The following TNPO2 variants were observed in gnomAD, a reference collection of about 807,000 sequenced individuals.
The protein encoded by TNPO2 is transportin-2.
Under a neutral mutation model 111.1 loss-of-function variants are expected in TNPO2, and 16 were observed. The ratio of observed to expected loss-of-function variants is 0.14; its 90% CI spans 0.10 to 0.22. The LOEUF (loss-of-function observed/expected upper bound fraction) is 0.22. Ranked by LOEUF, TNPO2 falls within the 10% of genes least tolerant of loss-of-function variation. The probability of loss-of-function intolerance (pLI) is 1.00; values close to 1 mark genes in which losing one functional copy is unlikely to be tolerated. For synonymous variants in TNPO2, 481 were observed against 475.8 expected, an observed-to-expected ratio of 1.01 and a Z score of -0.14; for missense variants, 530 against 1,173.7, an observed-to-expected ratio of 0.45 and a Z score of 8.01.
chr19:12,720,980 C>G lies in TNPO2; in HGVS notation c.-3G>C, dbSNP rs1243528592. 1.3e-6 allele frequency: 2 copies of G among 1,577,818 alleles called. No homozygotes were observed. Among genetic ancestry groups the G allele is most frequent in the Non-Finnish European group, 1.7e-6 (2 of 1,165,128 alleles). ...TGCTCGTCTGGCTGCCAGTCCATGGCGCAAGGCAAGCTGCGGAGGTAGGGG... is the reference window on the plus strand; with the variant it reads ...TGCTCGTCTGGCTGCCAGTCCATGGGGCAAGGCAAGCTGCGGAGGTAGGGG... On this transcript the variant is annotated 5_prime_UTR_variant, in exon 3 of 26. Transcript: ENST00000425528.
rs2026297109 is a variant in TNPO2, at chr19:12,715,215, C to A, written c.648+28G>T. On this transcript the variant is annotated intron_variant, in intron 8 of 25. Transcript: ENST00000425528. The surrounding 1 kb of genome is among the most constrained non-coding windows in gnomAD (Gnocchi z 7.1). ...AGTTGTAGGGGCCCTCAGTCCTCGCCCTGCCCACCCCCAGCCCAGCGGCCC... is the reference window on the plus strand; with the variant it reads ...AGTTGTAGGGGCCCTCAGTCCTCGCACTGCCCACCCCCAGCCCAGCGGCCC... 1 of 1,613,702 alleles carries A rather than the reference C, an allele frequency of 6.2e-7. No individual in the cohort carries two copies. Among genetic ancestry groups the A allele is most frequent in the Admixed American group, 1.7e-5 (1 of 59,974 alleles).
chr19:12,702,710 C>T lies in TNPO2; in HGVS notation c.2305+113G>A. 1.0e-6 allele frequency: 1 copy of T among 978,828 alleles called. No homozygotes were observed. Among genetic ancestry groups the T allele is most frequent in the Non-Finnish European group, 1.6e-6 (1 of 628,248 alleles). The allele number at this position is 978,828 out of a possible 1,614,324, so 60.6% of individuals were successfully genotyped here. ...CCCAGTGACCCCTTCCAGGTACTTC[C>T]AGACACCCTCCTTGGTTCCTTGACA... On this transcript the variant is annotated intron_variant, in intron 21 of 25. Transcript: ENST00000425528. This position sits in a 1 kb window ranked among gnomAD's most constrained non-coding sequence, Gnocchi z 5.5.
chr19:12,709,039 C>CA (rs545741335), intron 13 of TNPO2, among the ~76,000 whole-genome samples: 125 of 126,272 alleles, frequency 9.9e-4, no homozygotes, highest in Admixed American at 1.4e-3. Context: ...GACTCCATCT[C>CA]AAAAAAAAAA....
chr19:12,719,354 G>A lies in TNPO2; in HGVS notation c.100-18C>T. ...TTGAGTTTCTGCCAGGCTGTTAAGG[G>A]ACTTGGAAGACAGAGGCCTTCCCCC... On this transcript the variant is annotated intron_variant, in intron 3 of 25. Transcript: ENST00000425528. The surrounding 1 kb of genome is among the most constrained non-coding windows in gnomAD (Gnocchi z 5.0). 2 of 1,611,488 alleles carry A rather than the reference G, an allele frequency of 1.2e-6. No homozygotes were observed. The highest frequency in any genetic ancestry group is 1.7e-6 in the Non-Finnish European group (2 of 1,177,886).
At chr19:12,713,844 T>C (rs979000553) in intron 10 of TNPO2, among the ~76,000 whole-genome samples, 1 of 152,080 alleles carries the variant, frequency 6.6e-6, no homozygotes, top group African/African-American at 2.4e-5. Context: ...CCAGAGCAAC[T>C]TAGCAAGACC....
intron 10 of TNPO2, 48 bp from the exon 11 acceptor site, chr19:12,711,661 G>C (rs1481150297): frequency 6.4e-7 from 1 of 1,568,720 alleles, no homozygotes; most frequent in Admixed American, 1.8e-5. Flanking sequence ...CGTGGCAAAA[G>C]TTGGGGGGAG....
chr19:12,718,551 A>G (rs1314684276), intron 5 of TNPO2, among the ~76,000 whole-genome samples: 1 of 152,054 alleles, frequency 6.6e-6, no homozygotes, highest in Non-Finnish European at 1.5e-5. Flanking sequence ...TGATTTGCCT[A>G]CCCTGACCTC....
At position 12,721,567 on chromosome 19, in the gene TNPO2, C is replaced by T. The variant is rs1001851629; in HGVS notation, c.-13-577G>A. On this transcript the variant is annotated intron_variant, in intron 2 of 25. Coordinates refer to ENST00000425528, the MANE Select transcript of TNPO2 (RefSeq NM_001382241.1). This position sits in a 1 kb window ranked among gnomAD's most constrained non-coding sequence, Gnocchi z 4.9. ...AGACGATCGTCCTGATCTCTCCTGT[C>T]CCCTGTTCCTGCCCTTCAAGCTCAG... 66 of 295,050 alleles carry T rather than the reference C, an allele frequency of 2.2e-4. No individual in the cohort carries two copies. Among genetic ancestry groups the T allele is most frequent in the Non-Finnish European group, 6.0e-5 (9 of 150,996 alleles). The allele number at this position is 295,050 out of a possible 1,614,324, so 18.3% of individuals were successfully genotyped here.
At position 12,706,540 on chromosome 19, in the gene TNPO2, G is replaced by A. The variant is rs1192561807; in HGVS notation, c.1496+30C>T. 1.9e-6 allele frequency: 3 copies of A among 1,610,170 alleles called. No homozygotes were observed. Among genetic ancestry groups the A allele is most frequent in the African/African-American group, 1.3e-5 (1 of 74,918 alleles). The stretch of plus-strand genomic sequence containing the variant: ...CCCAGAGGGTGGCCGGGGGAGAGTG[G>A]GGGCTGTGGGATCAGGGGTCCAGGG... On this transcript the variant is annotated intron_variant, in intron 14 of 25. Transcript: ENST00000425528. The surrounding 1 kb of genome is among the most constrained non-coding windows in gnomAD (Gnocchi z 7.0).
At position 12,718,897 on chromosome 19, in the gene TNPO2, A is replaced by G. The variant is rs2026514451; in HGVS notation, c.325+132T>C. 2.4e-6 allele frequency: 3 copies of G among 1,253,560 alleles called. No homozygotes were observed. The African/African-American group carries it at 4.5e-5, about 19-fold the overall frequency. 77.7% of individuals were successfully genotyped at this position (1,253,560 alleles called of 1,614,324 possible). A position where few individuals can be genotyped will look rare whatever the true frequency, so the allele number is the denominator to read the frequency against. On this transcript the variant is annotated intron_variant, in intron 5 of 25. Coordinates refer to ENST00000425528, the MANE Select transcript of TNPO2 (RefSeq NM_001382241.1). ...AATAGCTCAGCGCCTCAGCTTCCTCATCTATCAAATGGCAATAGTAATAGT... is the reference window on the plus strand; with the variant it reads ...AATAGCTCAGCGCCTCAGCTTCCTCGTCTATCAAATGGCAATAGTAATAGT...
Position 12,706,401 on chromosome 19 carries a change from G to T in TNPO2, c.1497-34C>A. On this transcript the variant is annotated intron_variant, in intron 14 of 25. Coordinates refer to ENST00000425528, the MANE Select transcript of TNPO2 (RefSeq NM_001382241.1). The surrounding 1 kb of genome is among the most constrained non-coding windows in gnomAD (Gnocchi z 7.0). ...AGGGAGGATGAAGCGGGGGCTCAGT[G>T]GACCATGGCAGGTGACACTGGGCCA... The T allele has an allele frequency of 6.2e-7, 1 of 1,613,532 alleles. No individual in the cohort carries two copies.
At chr19:12,723,219 CTT>C (rs1240390064) in intron 2 of TNPO2, 28 bp downstream of exon 2, 1 of 152,136 alleles carries the variant, frequency 6.6e-6, no homozygotes, top group East Asian at 1.9e-4. Flanking sequence ...ATAAAATAAA[CTT>C]TGAACCACGC....
chr19:12,719,798 T>C lies in TNPO2; in HGVS notation c.100-462A>G, dbSNP rs1427189445. On this transcript the variant is annotated intron_variant, in intron 3 of 25. Transcript: ENST00000425528. The surrounding 1 kb of genome is among the most constrained non-coding windows in gnomAD (Gnocchi z 5.0). ...TGGGCGACAGAGCAAGACTCCATCT[T>C]GAAAAAAAAAAAAATCATACAAGGA... Among the ~76,000 whole-genome samples, 1 of 134,260 alleles carries C rather than the reference T, an allele frequency of 7.4e-6. No individual in the cohort carries two copies. The highest frequency in any genetic ancestry group is 1.5e-5 in the Non-Finnish European group (1 of 67,284). 88.1% of individuals were successfully genotyped at this position (134,260 alleles called of 152,430 possible).
intron 2 of TNPO2, among the ~76,000 whole-genome samples, chr19:12,723,006 G>A (rs1441970913): frequency 6.6e-6 from 1 of 152,150 alleles, no homozygotes; most frequent in East Asian, 1.9e-4. Flanking sequence ...CGCTGTGTGT[G>A]CGCAAGGAAA....
chr19:12,720,758 C>T, intron 3 of TNPO2, 121 bp downstream of exon 3: 1 of 1,258,210 alleles, frequency 7.9e-7, no homozygotes. Context: ...CAGGGCAGAT[C>T]CTCCGCACAG....
intron 19 of TNPO2, 33 bp downstream of exon 19, chr19:12,703,681 G>A (rs1452467240): frequency 1.9e-6 from 3 of 1,602,334 alleles, no homozygotes; most frequent in East Asian, 2.2e-5. Flanking sequence ...CCGGGGCTGG[G>A]GTCATGGGTT....
intron 13 of TNPO2, among the ~76,000 whole-genome samples, chr19:12,709,154 G>T (rs2025888205): frequency 6.6e-6 from 1 of 152,104 alleles, no homozygotes; most frequent in South Asian, 2.1e-4. Context: ...GAGGTCAGGA[G>T]ATAGAGACCA....
At chr19:12,712,263 C>G (rs914757527) in intron 10 of TNPO2, among the ~76,000 whole-genome samples, 1 of 152,176 alleles carries the variant, frequency 6.6e-6, no homozygotes, top group Non-Finnish European at 1.5e-5. Context: ...CGTTACCAGG[C>G]GGATCATGGT....
At chr19:12,709,014 G>A (rs968306317) in intron 13 of TNPO2, among the ~76,000 whole-genome samples, 1 of 151,374 alleles carries the variant, frequency 6.6e-6, no homozygotes, top group Non-Finnish European at 1.5e-5. Flanking sequence ...ACTCCAGCCT[G>A]GGCGATAAGA....
Sources: gnomAD v4.1 joint callset for allele counts (sites outside exome capture counted in the v4.1 genomes callset) on GRCh38, gnomAD v4.1.1 for gene constraint, Gnocchi (gnomAD v3.1) non-coding constraint, MANE v1.5 for transcripts, NCBI Gene and HGNC (gene_info 2026-07-23, HGNC 2026-07-21) for gene names.